OR51B5: variants seen among roughly 807,000 people sequenced by gnomAD.
The protein encoded by OR51B5 is olfactory receptor 51B5.
For synonymous variants in OR51B5, 186 were observed against 144.8 expected, an observed-to-expected ratio of 1.28 and a Z score of -2.04; for missense variants, 456 against 374.6, an observed-to-expected ratio of 1.22 and a Z score of -1.79.
At chr11:5,403,486 A>G (rs1201075548) in intron 1 of OR51B5, 4 of 471,762 alleles carry the variant, frequency 8.5e-6, no homozygotes, top group Admixed American at 2.3e-5. Flanking sequence ...TACAGCATTA[A>G]GACCAAGGAG....
intron 1 of OR51B5, among the ~76,000 whole-genome samples, chr11:5,474,609 CATG>C (rs1404459708): frequency 6.6e-6 from 1 of 152,126 alleles, no homozygotes; most frequent in East Asian, 1.9e-4. Flanking sequence ...GAAATATAAT[CATG>C]ATATGTTTCT....
chr11:5,412,598 C>G (rs1435834745), intron 1 of OR51B5, among the ~76,000 whole-genome samples: 1 of 152,238 alleles, frequency 6.6e-6, no homozygotes, highest in Non-Finnish European at 1.5e-5. Context: ...GAATACTGCG[C>G]TTTTCCAACG....
At chr11:5,452,618 G>A (rs1221335021) in intron 1 of OR51B5, among the ~76,000 whole-genome samples, 1 of 149,412 alleles carries the variant, frequency 6.7e-6, no homozygotes, top group African/African-American at 2.5e-5. Flanking sequence ...GAGAGAGTAT[G>A]TGAATGAGCG....
chr11:5,495,860 G>A (rs778965619), intron 1 of OR51B5, among the ~76,000 whole-genome samples: 11 of 152,158 alleles, frequency 7.2e-5, no homozygotes, highest in South Asian at 6.2e-4. Context: ...TTAAGGACAC[G>A]CATAGGCTGA....
chr11:5,489,409 G>C (rs200936987), intron 1 of OR51B5: 29 of 1,613,798 alleles, frequency 1.8e-5, no homozygotes, highest in Non-Finnish European at 2.3e-5. Flanking sequence ...TCCATCTCAT[G>C]ATGCCCAGCA....
At chr11:5,464,647 T>C (rs1262994955) in intron 1 of OR51B5, among the ~76,000 whole-genome samples, 3 of 152,094 alleles carry the variant, frequency 2.0e-5, no homozygotes, top group Non-Finnish European at 4.4e-5. Flanking sequence ...TAGTATTCCA[T>C]GGTGTATATG....
intron 1 of OR51B5, among the ~76,000 whole-genome samples, chr11:5,432,283 T>C (rs1238157278): frequency 1.3e-5 from 2 of 152,204 alleles, no homozygotes; most frequent in Non-Finnish European, 2.9e-5. Flanking sequence ...TTCAGACTGC[T>C]CAATCTTGTG....
At chr11:5,475,052 T>A (rs957550176) in intron 1 of OR51B5, among the ~76,000 whole-genome samples, 5 of 152,148 alleles carry the variant, frequency 3.3e-5, no homozygotes, top group African/African-American at 1.2e-4. Flanking sequence ...AAATATTATA[T>A]CCTTTTGGAT....
chr11:5,492,811 T>C (rs1266814830), intron 1 of OR51B5, among the ~76,000 whole-genome samples: 1 of 152,108 alleles, frequency 6.6e-6, no homozygotes, highest in East Asian at 1.9e-4. Context: ...ATTTTTGTAT[T>C]TTTGGTAGAG....
intron 1 of OR51B5, among the ~76,000 whole-genome samples, chr11:5,382,282 C>T (rs1470634202): frequency 2.0e-5 from 3 of 152,198 alleles, no homozygotes; most frequent in Non-Finnish European, 2.9e-5. Flanking sequence ...TACACTACCC[C>T]TCCTTTTTGG....
chr11:5,464,869 T>C (rs892237233), intron 1 of OR51B5, among the ~76,000 whole-genome samples: 6 of 152,148 alleles, frequency 3.9e-5, no homozygotes, highest in African/African-American at 1.4e-4. Context: ...CACACTGACT[T>C]CCACAATGGT....
chr11:5,447,494 G>A (rs1235029084), intron 1 of OR51B5, among the ~76,000 whole-genome samples: 1 of 152,150 alleles, frequency 6.6e-6, no homozygotes. Flanking sequence ...CTGCTGGTCA[G>A]TTCCTCATTT....
At chr11:5,462,703 T>C (rs1041382649) in intron 1 of OR51B5, among the ~76,000 whole-genome samples, 8 of 152,366 alleles carry the variant, frequency 5.3e-5, no homozygotes, top group African/African-American at 1.9e-4. Context: ...TGGACACTTT[T>C]CTACCTGGGC....
chr11:5,495,265 T>C (rs1449868254), intron 1 of OR51B5, among the ~76,000 whole-genome samples: 1 of 152,190 alleles, frequency 6.6e-6, no homozygotes, highest in Non-Finnish European at 1.5e-5. Flanking sequence ...CATAAAAATG[T>C]ATGAAAGCAT....
At chr11:5,481,955 C>A (rs1590021743) in intron 1 of OR51B5, among the ~76,000 whole-genome samples, 1 of 125,190 alleles carries the variant, frequency 8.0e-6, no homozygotes, top group Admixed American at 8.1e-5. Flanking sequence ...GATTCAATGC[C>A]ATTCCCATCA....
At chr11:5,359,982 C>G (rs1849255864) in intron 1 of OR51B5, among the ~76,000 whole-genome samples, 2 of 152,116 alleles carry the variant, frequency 1.3e-5, no homozygotes, top group South Asian at 2.1e-4. Context: ...ACACCTTATA[C>G]AAAAATTAAT....
At chr11:5,400,791 T>C (rs1214377266) in intron 1 of OR51B5, among the ~76,000 whole-genome samples, 1 of 152,214 alleles carries the variant, frequency 6.6e-6, no homozygotes, top group Non-Finnish European at 1.5e-5. Flanking sequence ...TGCAAGGTCC[T>C]TGACATAGAG....
At chr11:5,405,897 A>G (rs116388186) in intron 1 of OR51B5, among the ~76,000 whole-genome samples, 3,881 of 152,296 alleles carry the variant, frequency 0.025, 156 homozygotes, top group African/African-American at 0.085. Flanking sequence ...ATAGAGGACA[A>G]TGCCTCCAAA....
At chr11:5,402,760 A>G in intron 1 of OR51B5, 1 of 471,418 alleles carries the variant, frequency 2.1e-6, no homozygotes, top group Non-Finnish European at 4.4e-6. Context: ...ATCAGAACAG[A>G]TATTGCCCTA....
Sources: gnomAD v4.1 joint callset for allele counts (sites outside exome capture counted in the v4.1 genomes callset) on GRCh38, gnomAD v4.1.1 for gene constraint, MANE v1.5 for transcripts, NCBI Gene and HGNC (gene_info 2026-07-23, HGNC 2026-07-21) for gene names.